QTMAN: variants seen among roughly 807,000 people sequenced by gnomAD.
QTMAN encodes tRNA-queuosine alpha-mannosyltransferase.
chr2:144,142,017 T>A, the QTMAN span: 6 of 1,610,734 alleles, frequency 3.7e-6, no homozygotes, highest in Non-Finnish European at 5.1e-6. Flanking sequence ...TGATTCCATA[T>A]TAAAAACTGA....
At chr2:144,322,511 A>G in the QTMAN span, among the ~76,000 whole-genome samples, 14 of 152,210 alleles carry the variant, frequency 9.2e-5, no homozygotes, top group Admixed American at 3.3e-4. Flanking sequence ...AATTTCTTTC[A>G]TGCCTAGCTT....
chr2:144,033,095 C>T, the QTMAN span, among the ~76,000 whole-genome samples: 5 of 152,176 alleles, frequency 3.3e-5, no homozygotes, highest in African/African-American at 1.2e-4. Flanking sequence ...AAAACAAACA[C>T]TGTTTTACTA....
At chr2:144,204,542 T>G in the QTMAN span, among the ~76,000 whole-genome samples, 8 of 152,124 alleles carry the variant, frequency 5.3e-5, no homozygotes, top group Admixed American at 2.0e-4. Flanking sequence ...TACACTGTTG[T>G]TGGGACTGTA....
the QTMAN span, among the ~76,000 whole-genome samples, chr2:144,229,255 G>A: frequency 6.6e-6 from 1 of 152,086 alleles, no homozygotes; most frequent in Non-Finnish European, 1.5e-5. Context: ...CTATTGTATA[G>A]TGCTGAAAAG....
At chr2:144,122,418 C>T in the QTMAN span, among the ~76,000 whole-genome samples, 2 of 152,122 alleles carry the variant, frequency 1.3e-5, no homozygotes, top group Non-Finnish European at 2.9e-5. Flanking sequence ...CATCAAGATT[C>T]AGGTCATAAG....
At chr2:144,148,515 T>C in the QTMAN span, among the ~76,000 whole-genome samples, 1 of 151,790 alleles carries the variant, frequency 6.6e-6, no homozygotes, top group Non-Finnish European at 1.5e-5. Context: ...TGGCAGTAAG[T>C]AGAAGAAAAA....
At chr2:144,147,445 G>A in the QTMAN span, among the ~76,000 whole-genome samples, 2 of 151,670 alleles carry the variant, frequency 1.3e-5, no homozygotes, top group African/African-American at 2.4e-5. Flanking sequence ...GAAGATATTT[G>A]TTTACCTAAA....
At chr2:143,997,128 T>A in the QTMAN span, among the ~76,000 whole-genome samples, 2 of 152,140 alleles carry the variant, frequency 1.3e-5, no homozygotes, top group East Asian at 3.9e-4. Flanking sequence ...TTCTGGGCAA[T>A]AAATCTTTTT....
At chr2:143,957,423 C>T in the QTMAN span, 1 of 773,628 alleles carries the variant, frequency 1.3e-6, no homozygotes, top group Non-Finnish European at 1.8e-6. Context: ...ATCTGAAGTT[C>T]AGGTTAATTA....
At chr2:143,950,704 A>T in the QTMAN span, among the ~76,000 whole-genome samples, 318 of 151,746 alleles carry the variant, frequency 2.1e-3, 4 homozygotes, top group African/African-American at 7.4e-3. Flanking sequence ...TTGACAGTCT[A>T]TCACATGGGA....
At chr2:144,279,247 G>A in the QTMAN span, among the ~76,000 whole-genome samples, 1 of 151,960 alleles carries the variant, frequency 6.6e-6, no homozygotes, top group African/African-American at 2.4e-5. Context: ...AACTTCAGCA[G>A]TCCAGGCAGA....
chr2:144,095,609 C>A, the QTMAN span, among the ~76,000 whole-genome samples: 6 of 152,028 alleles, frequency 3.9e-5, no homozygotes, highest in South Asian at 1.3e-3. Flanking sequence ...GGTATAATAC[C>A]CAGAGGGAAA....
chr2:143,990,915 G>A, the QTMAN span, among the ~76,000 whole-genome samples: 1 of 152,108 alleles, frequency 6.6e-6, no homozygotes, highest in Non-Finnish European at 1.5e-5. Flanking sequence ...ACTATTAAAA[G>A]TGACCGAAAA....
chr2:144,239,816 A>C, the QTMAN span, among the ~76,000 whole-genome samples: 1 of 152,192 alleles, frequency 6.6e-6, no homozygotes, highest in Non-Finnish European at 1.5e-5. Flanking sequence ...GACCCAATTC[A>C]TGTGATCCTT....
the QTMAN span, among the ~76,000 whole-genome samples, chr2:144,206,626 C>T: frequency 2.6e-5 from 4 of 152,134 alleles, no homozygotes; most frequent in South Asian, 2.1e-4. Context: ...CATTGTTAGG[C>T]GGTGGAGGTT....
chr2:144,145,842 T>A, the QTMAN span: 8 of 849,106 alleles, frequency 9.4e-6, no homozygotes, highest in African/African-American at 8.5e-5. Context: ...GAAAAACACA[T>A]CCCCTATAGG....
the QTMAN span, among the ~76,000 whole-genome samples, chr2:144,117,680 T>C: frequency 6.6e-6 from 1 of 152,180 alleles, no homozygotes; most frequent in Admixed American, 6.5e-5. Context: ...GAGCTGAGTT[T>C]TTATTTGACA....
At chr2:144,142,676 C>CATATT in the QTMAN span, among the ~76,000 whole-genome samples, 2 of 151,918 alleles carry the variant, frequency 1.3e-5, no homozygotes, top group East Asian at 1.9e-4. Context: ...GTTTCACTAT[C>CATATT]ATATTATATT....
At chr2:144,208,769 T>C in the QTMAN span, 2 of 1,612,004 alleles carry the variant, frequency 1.2e-6, no homozygotes, top group Non-Finnish European at 1.7e-6. Flanking sequence ...GCTTCAATGA[T>C]GAGGATACTC....
Sources: allele counts gnomAD v4.1 joint callset (sites outside exome capture counted in the v4.1 genomes callset), GRCh38; gene constraint gnomAD v4.1.1; transcripts MANE v1.5; gene names NCBI Gene and HGNC (gene_info 2026-07-23, HGNC 2026-07-21).